The following ATP13A5 variants were observed in gnomAD, a reference collection of about 807,000 sequenced individuals.
ATP13A5 encodes ATPase 13A5, also known as probable cation-transporting ATPase 13A5.
A neutral mutation model predicts 150.2 loss-of-function variants in ATP13A5; 149 were observed. That is an observed-to-expected ratio of 0.99 (90% CI 0.87 to 1.14). ATP13A5 has a LOEUF of 1.14. ATP13A5 is among the 50% of genes most tolerant of loss of function. The probability of loss-of-function intolerance (pLI) is 0.00; values close to 1 mark genes in which losing one functional copy is unlikely to be tolerated. For missense variants in ATP13A5, 1,383 were observed against 1,449.3 expected, an observed-to-expected ratio of 0.95 and a Z score of 0.74; for synonymous variants, 497 against 522.2, an observed-to-expected ratio of 0.95 and a Z score of 0.66.
intron 1 of ATP13A5, among the ~76,000 whole-genome samples, chr3:193,368,265 T>C (rs745656319): frequency 7.9e-5 from 12 of 152,222 alleles, no homozygotes; most frequent in East Asian, 1.9e-4. Flanking sequence ...TCTAACAAAG[T>C]TGTACAAGAC....
At chr3:193,299,058 C>T (rs1183699937) in intron 25 of ATP13A5, 73 bp downstream of exon 25, 11 of 1,327,994 alleles carry the variant, frequency 8.3e-6, no homozygotes, top group Non-Finnish European at 1.1e-5. Flanking sequence ...TCAAAAGTTC[C>T]TTTTTGTGTG....
intron 22 of ATP13A5, 184 bp downstream of exon 22, chr3:193,307,143 A>C (rs1718647528): frequency 7.0e-7 from 1 of 1,428,760 alleles, no homozygotes. Flanking sequence ...AAGCATCGGA[A>C]GTGTCTCATC....
Position 193,340,348 on chromosome 3 carries a change from T to A in ATP13A5, c.943+3579A>T, listed in dbSNP as rs564077541. On this transcript the variant is annotated intron_variant, in intron 9 of 29. Transcript: ENST00000342358. ...ACGCAACACAGTACCTGGCACATGG[T>A]AGGCATTTCTGAGCTTTTATTGAGT... 1.9e-4 allele frequency among the ~76,000 whole-genome samples: 29 copies of A among 152,306 alleles called. No homozygotes were observed. The East Asian group carries it at 5.2e-3, about 27-fold the overall frequency.
chr3:193,356,793 T>G (rs191639287), intron 5 of ATP13A5, among the ~76,000 whole-genome samples: 1 of 151,828 alleles, frequency 6.6e-6, no homozygotes, highest in African/African-American at 2.4e-5. Context: ...TAGAGTCCCT[T>G]TAAAGGCAGA....
chr3:193,320,866 G>T (rs561669921), intron 16 of ATP13A5, among the ~76,000 whole-genome samples: 8 of 152,304 alleles, frequency 5.3e-5, no homozygotes, highest in African/African-American at 1.9e-4. Context: ...ATACAAATCA[G>T]CTCAAAGTCT....
intron 12 of ATP13A5, among the ~76,000 whole-genome samples, chr3:193,328,180 G>A (rs1354755001): frequency 1.3e-5 from 2 of 152,328 alleles, no homozygotes; most frequent in East Asian, 3.9e-4. Context: ...AGCCCTTCTG[G>A]AGTCTTCCTC....
chr3:193,309,799 A>G (rs1718769984), intron 21 of ATP13A5, among the ~76,000 whole-genome samples: 1 of 152,156 alleles, frequency 6.6e-6, no homozygotes, highest in South Asian at 2.1e-4. Flanking sequence ...AGCATTCAAC[A>G]TGTGAATGAG....
intron 9 of ATP13A5, among the ~76,000 whole-genome samples, chr3:193,335,991 G>A (rs1711843429): frequency 6.6e-6 from 1 of 152,010 alleles, no homozygotes; most frequent in Non-Finnish European, 1.5e-5. Flanking sequence ...AATAATTTTT[G>A]GCTCCAAGAT....
intron 23 of ATP13A5, among the ~76,000 whole-genome samples, chr3:193,303,279 A>G (rs184244096): frequency 3.7e-4 from 56 of 152,268 alleles, no homozygotes; most frequent in African/African-American, 1.3e-3. Flanking sequence ...TTCTGTTTAC[A>G]TAAGTCTCAC....
chr3:193,358,972 C>G (rs1170034205), intron 5 of ATP13A5, among the ~76,000 whole-genome samples: 1 of 151,968 alleles, frequency 6.6e-6, no homozygotes, highest in Non-Finnish European at 1.5e-5. Context: ...TTAAATGGGC[C>G]AAGATCCATA....
chr3:193,308,785 T>A (rs183707439), intron 21 of ATP13A5, among the ~76,000 whole-genome samples: 91 of 152,308 alleles, frequency 6.0e-4, no homozygotes, highest in African/African-American at 2.0e-3. Context: ...ATTCATTTTT[T>A]AAGGGGAATA....
intron 7 of ATP13A5, among the ~76,000 whole-genome samples, chr3:193,350,811 T>C (rs1229603456): frequency 2.0e-5 from 3 of 152,174 alleles, no homozygotes; most frequent in Non-Finnish European, 4.4e-5. Flanking sequence ...TTTCCCACCA[T>C]ACTCAAATAG....
chr3:193,322,421 T>A lies in ATP13A5; in HGVS notation c.1758+70A>T. On this transcript the variant is annotated intron_variant, in intron 15 of 29. Transcript: ENST00000342358. The stretch of plus-strand genomic sequence containing the variant: ...GCAAAATAATAGGACTATAAAAATA[T>A]GTGCAAGTCAGAAATGTTTTACCAG... The A allele has an allele frequency of 5.0e-6, 6 of 1,188,954 alleles. No individual in the cohort carries two copies. The South Asian group carries it at 7.7e-5, about 15-fold the overall frequency. The allele number at this position is 1,188,954 out of a possible 1,614,324, so 73.7% of individuals were successfully genotyped here. A position where few individuals can be genotyped will look rare whatever the true frequency, so the allele number is the denominator to read the frequency against.
chr3:193,319,233 C>T, intron 16 of ATP13A5, 125 bp from the exon 17 acceptor site: 2 of 666,018 alleles, frequency 3.0e-6, no homozygotes, highest in South Asian at 4.4e-5. Flanking sequence ...TAATAGAAAA[C>T]TTAGAGCTTC....
At chr3:193,314,501 AT>A in intron 18 of ATP13A5, 1 of 332,870 alleles carries the variant, frequency 3.0e-6, no homozygotes, top group Non-Finnish European at 5.5e-6. Context: ...AGAATATAGC[AT>A]GATCTCAGCC....
At chr3:193,285,365 T>C (rs1476681969) in intron 26 of ATP13A5, among the ~76,000 whole-genome samples, 2 of 152,176 alleles carry the variant, frequency 1.3e-5, no homozygotes, top group Non-Finnish European at 2.9e-5. Flanking sequence ...ATGACAATAT[T>C]TTATGAATTC....
At chr3:193,281,740 G>A (rs527677409) in intron 27 of ATP13A5, among the ~76,000 whole-genome samples, 8 of 152,170 alleles carry the variant, frequency 5.3e-5, no homozygotes, top group Admixed American at 4.6e-4. Flanking sequence ...TATTACATTT[G>A]TTAGCATACC....
intron 17 of ATP13A5, 123 bp from the exon 18 acceptor site, chr3:193,315,219 A>G (rs1467986884): frequency 9.8e-7 from 1 of 1,024,698 alleles, no homozygotes; most frequent in Non-Finnish European, 1.4e-6. Flanking sequence ...TTAAAAATCA[A>G]AATGAACTTA....
chr3:193,332,772 A>C (rs1460326007), intron 11 of ATP13A5, among the ~76,000 whole-genome samples: 2 of 152,044 alleles, frequency 1.3e-5, no homozygotes, highest in Non-Finnish European at 2.9e-5. Flanking sequence ...GACCCACAAG[A>C]AGTTGGGGTC....
Sources: gnomAD v4.1 joint callset for allele counts (sites outside exome capture counted in the v4.1 genomes callset) on GRCh38, gnomAD v4.1.1 for gene constraint, MANE v1.5 for transcripts, NCBI Gene and HGNC (gene_info 2026-07-23, HGNC 2026-07-21) for gene names.